PHF14: variants seen among roughly 807,000 people sequenced by gnomAD.
PHF14 encodes the protein PHD finger protein 14.
In PHF14, 55 loss-of-function variants were observed where a neutral mutation model predicts 117.9. The ratio of observed to expected loss-of-function variants is 0.47; its 90% confidence interval spans 0.38 to 0.58. PHF14 has a LOEUF of 0.58. PHF14 is among the 20% of genes least tolerant of loss of function. The pLI, the probability that PHF14 is intolerant of heterozygous loss-of-function variation, is 0.00. For synonymous variants in PHF14, 409 were observed against 368.6 expected (o/e 1.11, Z -1.26); for missense variants, 978 against 1,122.2 (o/e 0.87, Z 1.84).
At chr7:11,105,673 A>C in intron 16 of PHF14, 1 of 983,832 alleles carries the variant, frequency 1.0e-6, no homozygotes, top group Non-Finnish European at 1.2e-6. Flanking sequence ...TGTGATTTCT[A>C]AGATAGGCAT....
At chr7:11,082,900 C>A (rs992981482) in intron 16 of PHF14, among the ~76,000 whole-genome samples, 1 of 152,086 alleles carries the variant, frequency 6.6e-6, no homozygotes, top group African/African-American at 2.4e-5. Context: ...CTTTTCTTCT[C>A]TTTTTCTTTC....
At position 10,990,736 on chromosome 7, in the gene PHF14, A is replaced by T. The variant is rs774706989; in HGVS notation, c.934A>T (p.Ser312Cys). ...SLILEKSQNW[S>C]SQKMDHILIC... ...GATTCTTGAGAAGAGTCAAAACTGG[A>T]GCTCTCAAAAAATGGACCATATTCT... Residue 312 changes from serine (S) to cysteine (C), a missense_variant, in exon 4 of 18, where the codon AGC becomes TGC. Coordinates refer to ENST00000634607, the MANE Select transcript of PHF14 (RefSeq NM_001007157.2). The T allele has an allele frequency of 1.3e-6, 2 of 1,560,796 alleles. No homozygotes were observed. The highest frequency in any genetic ancestry group is 1.7e-6 in the Non-Finnish European group (2 of 1,148,480).
At chr7:11,001,087 G>A (rs558016352) in intron 4 of PHF14, among the ~76,000 whole-genome samples, 1 of 151,952 alleles carries the variant, frequency 6.6e-6, no homozygotes, top group Admixed American at 6.6e-5. Flanking sequence ...TATACGGTCT[G>A]TCTCGGAATT....
intron 3 of PHF14, among the ~76,000 whole-genome samples, chr7:10,990,413 A>G (rs898322022): frequency 6.6e-6 from 1 of 152,208 alleles, no homozygotes; most frequent in Non-Finnish European, 1.5e-5. Flanking sequence ...AAAGCAGATC[A>G]ACAGTAGTTA....
At chr7:10,989,153 T>C (rs1352008359) in intron 3 of PHF14, among the ~76,000 whole-genome samples, 2 of 152,192 alleles carry the variant, frequency 1.3e-5, no homozygotes, top group African/African-American at 4.8e-5. Flanking sequence ...TACTATATTC[T>C]TGTTGATGTT....
chr7:11,062,784 G>A (rs1389348345), intron 16 of PHF14: 1 of 985,108 alleles, frequency 1.0e-6, no homozygotes, highest in African/African-American at 1.7e-5. Flanking sequence ...TGGTGAGATG[G>A]GGGAGTGAGT....
chr7:11,126,560 T>C (rs2128347580), intron 17 of PHF14, among the ~76,000 whole-genome samples: 1 of 152,230 alleles, frequency 6.6e-6, no homozygotes, highest in East Asian at 1.9e-4. Flanking sequence ...TCTCTCTTCG[T>C]TATTTAGCTG....
At chr7:10,990,121 A>G (rs2160059) in intron 3 of PHF14, among the ~76,000 whole-genome samples, 18,265 of 152,174 alleles carry the variant, frequency 0.12, 1,459 homozygotes, top group African/African-American at 0.23. Flanking sequence ...TCTGTCTTAC[A>G]GTAGTTTGAT....
intron 1 of PHF14, 79 bp downstream of exon 1, chr7:10,974,403 G>C: frequency 1.7e-6 from 2 of 1,205,702 alleles, no homozygotes; most frequent in South Asian, 1.3e-5. Context: ...AGCAGGGCAG[G>C]GGTGGGAGAG....
intron 6 of PHF14, among the ~76,000 whole-genome samples, chr7:11,024,864 T>A (rs1783856196): frequency 6.6e-6 from 1 of 152,102 alleles, no homozygotes; most frequent in Non-Finnish European, 1.5e-5. Flanking sequence ...GATCAAGGAG[T>A]CATTTTGACT....
intron 17 of PHF14, among the ~76,000 whole-genome samples, chr7:11,113,411 C>G (rs1266464571): frequency 1.3e-5 from 2 of 152,098 alleles, no homozygotes. Flanking sequence ...GTTAGGAAGG[C>G]ACATTGTTAG....
intron 17 of PHF14, among the ~76,000 whole-genome samples, chr7:11,137,489 T>G (rs1362318464): frequency 6.6e-6 from 1 of 152,172 alleles, no homozygotes; most frequent in Non-Finnish European, 1.5e-5. Flanking sequence ...AACTGCAGTT[T>G]TAATAGTTTT....
rs1012329909 is a variant in PHF14, at chr7:11,038,970, G to C, written c.2076+115G>C. ...TAACCGAAGAATTCTGTTTGATCAG[G>C]GCCTAATCCTTTGGGATAATGATTT... is the stretch of plus-strand genomic sequence containing the variant. On this transcript the variant is annotated intron_variant, in intron 11 of 17. Coordinates refer to ENST00000634607, the MANE Select transcript of PHF14 (RefSeq NM_001007157.2). 6.6e-6 allele frequency: 3 copies of C among 452,814 alleles called. No homozygotes were observed. In the South Asian group the frequency reaches 1.5e-4, roughly 22 times the overall value. The allele number at this position is 452,814 out of a possible 1,614,324, so 28.0% of individuals were successfully genotyped here.
Position 11,040,672 on chromosome 7 carries a change from A to G in PHF14, c.2077A>G (p.Lys693Glu). 1 of 1,511,202 alleles carries G rather than the reference A, an allele frequency of 6.6e-7. No homozygotes were observed. The highest frequency in any genetic ancestry group is 1.4e-5 in the African/African-American group (1 of 71,738). 93.6% of individuals were successfully genotyped at this position (1,511,202 alleles called of 1,614,324 possible). ...ATACTACATTTGTTCAAATCAATAGAAGTTGAATATACCGGCAATTTTGCG... is the reference window on the plus strand; with the variant it reads ...ATACTACATTTGTTCAAATCAATAGGAGTTGAATATACCGGCAATTTTGCG... ...WALLGRITGQ[K>E]LNIPAILRAP... The change falls in exon 12 of 18, where the codon AAG (lysine) becomes GAG (glutamate). Residue 693 changes from lysine to glutamate, a missense_variant and splice_region_variant. Transcript: ENST00000634607.
chr7:11,112,769 T>G (rs1321769245), intron 17 of PHF14, among the ~76,000 whole-genome samples: 1 of 149,154 alleles, frequency 6.7e-6, no homozygotes, highest in African/African-American at 2.5e-5. Flanking sequence ...AGACTCCATC[T>G]CAAAAAAAAA....
intron 17 of PHF14, among the ~76,000 whole-genome samples, chr7:11,167,870 ATACAAAAAAT>A (rs1789247291): frequency 6.6e-6 from 1 of 152,158 alleles, no homozygotes; most frequent in Admixed American, 6.5e-5. Context: ...TCTACTAAAA[ATACAAAAAAT>A]TAGCCGGGCG....
At chr7:11,050,356 T>A (rs1327361238) in intron 13 of PHF14, among the ~76,000 whole-genome samples, 1 of 152,172 alleles carries the variant, frequency 6.6e-6, no homozygotes, top group Non-Finnish European at 1.5e-5. Context: ...GAGAATACTA[T>A]CAAACTTTTG....
chr7:10,978,500 G>C (rs1281005312), intron 2 of PHF14, among the ~76,000 whole-genome samples: 3 of 152,110 alleles, frequency 2.0e-5, no homozygotes, highest in African/African-American at 7.2e-5. Flanking sequence ...ACTTGGAATT[G>C]TTTTTTTATA....
At chr7:11,015,653 A>G (rs1783508935) in intron 5 of PHF14, among the ~76,000 whole-genome samples, 1 of 152,116 alleles carries the variant, frequency 6.6e-6, no homozygotes, top group Non-Finnish European at 1.5e-5. Context: ...TGAGAAGACT[A>G]AATGAGATGA....
Sources: gnomAD v4.1 joint callset for allele counts (sites outside exome capture counted in the v4.1 genomes callset) on GRCh38, gnomAD v4.1.1 for gene constraint, MANE v1.5 for transcripts, NCBI Gene and HGNC (gene_info 2026-07-23, HGNC 2026-07-21) for gene names.